The following S100Z variants were observed in gnomAD, a reference collection of about 807,000 sequenced individuals.
S100Z encodes S100 calcium binding protein Z.
In S100Z, 11 loss-of-function variants were observed where a neutral mutation model predicts 8.5. The observed-to-expected ratio is 1.30, with a 90% confidence interval of 0.82 to 2.15. The LOEUF is 2.15. Among genes scored for constraint, S100Z ranks in the 30% most tolerant of loss-of-function variants. S100Z has a pLI of 0.00. For missense variants in S100Z, 126 were observed against 117.9 expected (o/e 1.07, Z -0.32); for synonymous variants, 34 against 43.8 (o/e 0.78, Z 0.89).
chr5:76,878,159 G>A, intron 4 of S100Z: 1 of 168,232 alleles, frequency 5.9e-6, no homozygotes. Context: ...TTTCTAAGAT[G>A]GACATTCATA....
chr5:76,915,028 G>A (rs983518257), intron 4 of S100Z, among the ~76,000 whole-genome samples: 9 of 152,142 alleles, frequency 5.9e-5, no homozygotes, highest in South Asian at 2.1e-4. Context: ...ACATAAGGCC[G>A]GGCACGGTGG....
At chr5:76,941,008 G>T in the S100Z span, among the ~76,000 whole-genome samples, 2 of 151,930 alleles carry the variant, frequency 1.3e-5, no homozygotes, top group Admixed American at 6.6e-5. Flanking sequence ...CATTCTCCAG[G>T]GTTCTCTGGA....
downstream of S100Z, among the ~76,000 whole-genome samples, chr5:76,925,362 T>C (rs936644882): frequency 3.3e-5 from 5 of 152,150 alleles, no homozygotes; most frequent in Non-Finnish European, 7.4e-5. Context: ...ACCACTGCAG[T>C]AACCATAACC....
At chr5:76,942,915 C>T in the S100Z span, among the ~76,000 whole-genome samples, 1 of 152,226 alleles carries the variant, frequency 6.6e-6, no homozygotes, top group Non-Finnish European at 1.5e-5. Flanking sequence ...CTGAATAATG[C>T]ATCACTCCAA....
intron 1 of S100Z, among the ~76,000 whole-genome samples, chr5:76,866,138 G>A (rs1234710420): frequency 6.8e-6 from 1 of 147,716 alleles, no homozygotes. Flanking sequence ...AGGCTGGAGT[G>A]CAGTGTAGTG....
chr5:76,914,066 G>A (rs968435044), intron 4 of S100Z, among the ~76,000 whole-genome samples: 3 of 152,146 alleles, frequency 2.0e-5, no homozygotes, highest in East Asian at 1.9e-4. Flanking sequence ...AACACCAAAT[G>A]AGTTCAACCA....
In S100Z at chr5:76,895,028, A is replaced by G. The variant is rs543259139; in HGVS notation, c.*2+17194A>G. The stretch of plus-strand genomic sequence containing the variant: ...TCTCTCTTCCTCCCTTACAAACCCT[A>G]TTCTTACAAACTGTAGTGTCTTTTT... On this transcript the variant is annotated intron_variant, in intron 4 of 4. Coordinates refer to ENST00000317593, the MANE Select transcript of S100Z (RefSeq NM_130772.4). 1.4e-3 allele frequency among the ~76,000 whole-genome samples: 209 copies of G among 152,196 alleles called. 3 individuals carry two copies. The highest frequency in any genetic ancestry group is 4.4e-4 in the Non-Finnish European group (30 of 68,026).
At chr5:76,951,855 G>A in the S100Z span, among the ~76,000 whole-genome samples, 15 of 152,144 alleles carry the variant, frequency 9.9e-5, no homozygotes, top group Non-Finnish European at 1.0e-4. Context: ...CAAAGAGGCC[G>A]CCTCTCCAGA....
rs75044981 is a variant in S100Z at position 76,892,200 on chromosome 5, A to C, written c.*2+14366A>C. ...TGATGATGGTAATGGTGATACAGTAAACATCTCTGGTCCAGCCCAGACTTG... is the reference window on the plus strand; with the variant it reads ...TGATGATGGTAATGGTGATACAGTACACATCTCTGGTCCAGCCCAGACTTG... On this transcript the variant is annotated intron_variant, in intron 4 of 4. Transcript: ENST00000317593. Among the ~76,000 whole-genome samples, 5 of 152,304 alleles carry C rather than the reference A, an allele frequency of 3.3e-5. No individual in the cohort carries two copies. The East Asian group carries it at 7.7e-4, about 24-fold the overall frequency.
At chr5:76,947,003 C>G in the S100Z span, among the ~76,000 whole-genome samples, 1 of 152,216 alleles carries the variant, frequency 6.6e-6, no homozygotes, top group Non-Finnish European at 1.5e-5. Flanking sequence ...ACCCCCTGGC[C>G]TCTGGGCCTC....
intron 4 of S100Z, among the ~76,000 whole-genome samples, chr5:76,891,383 G>A (rs367782201): frequency 5.3e-5 from 8 of 152,288 alleles, no homozygotes; most frequent in African/African-American, 1.9e-4. Context: ...AAGGGCATCA[G>A]GGGATTCTAA....
chr5:76,872,255 A>G (rs1177930476), intron 2 of S100Z, among the ~76,000 whole-genome samples: 1 of 152,102 alleles, frequency 6.6e-6, no homozygotes, highest in Non-Finnish European at 1.5e-5. Context: ...TCAAAAATAA[A>G]TAAATAATGA....
At chr5:76,925,371 C>G (rs537747395), downstream of S100Z, among the ~76,000 whole-genome samples, 165 of 152,200 alleles carry the variant, frequency 1.1e-3, 1 homozygote, top group Non-Finnish European at 1.7e-3. Flanking sequence ...GTAACCATAA[C>G]CGGGGCTTCG....
At chr5:76,884,830 A>G (rs1003655743) in intron 4 of S100Z, among the ~76,000 whole-genome samples, 4 of 152,000 alleles carry the variant, frequency 2.6e-5, no homozygotes, top group Non-Finnish European at 5.9e-5. Flanking sequence ...GGAGAAGGGG[A>G]GAGGTCAGAT....
chr5:76,934,846 C>A, the S100Z span, among the ~76,000 whole-genome samples: 3 of 89,604 alleles, frequency 3.3e-5, no homozygotes, highest in South Asian at 1.5e-3. Context: ...TTTGTTATAG[C>A]AACACAGACT....
intron 4 of S100Z, among the ~76,000 whole-genome samples, chr5:76,882,944 A>G (rs1360392744): frequency 6.6e-6 from 1 of 152,142 alleles, no homozygotes; most frequent in Non-Finnish European, 1.5e-5. Flanking sequence ...GTTTGGCACC[A>G]TGGGGTGGAT....
intron 4 of S100Z, among the ~76,000 whole-genome samples, chr5:76,910,671 T>C (rs760214829): frequency 6.6e-6 from 1 of 152,084 alleles, no homozygotes; most frequent in Non-Finnish European, 1.5e-5. Flanking sequence ...AACCAGATGA[T>C]CCAGCAACAG....
the S100Z span, among the ~76,000 whole-genome samples, chr5:76,931,117 T>C: frequency 6.6e-6 from 1 of 151,680 alleles, no homozygotes; most frequent in Non-Finnish European, 1.5e-5. Context: ...TTTTTTTTTC[T>C]TTTTTGAGAC....
chr5:76,856,636 G>T (rs1295534608), intron 1 of S100Z, among the ~76,000 whole-genome samples: 1 of 152,154 alleles, frequency 6.6e-6, no homozygotes, highest in Non-Finnish European at 1.5e-5. Context: ...AAGAGAACCG[G>T]AAGCCACAAA....
Sources: allele counts gnomAD v4.1 joint callset (sites outside exome capture counted in the v4.1 genomes callset), GRCh38; gene constraint gnomAD v4.1.1; transcripts MANE v1.5; gene names NCBI Gene and HGNC (gene_info 2026-07-23, HGNC 2026-07-21).